Variants in ROBO1 observed in about 807,000 individuals in gnomAD.
The protein encoded by ROBO1 is roundabout homolog 1.
Under a neutral mutation model 195.9 loss-of-function variants are expected in ROBO1, and 149 were observed. The ratio of observed to expected loss-of-function variants is 0.76; its 90% CI spans 0.67 to 0.87. The LOEUF is 0.87. ROBO1 is among the 40% of genes least tolerant of loss of function. The pLI, the probability that ROBO1 is intolerant of heterozygous loss-of-function variation, is 0.00. For missense variants in ROBO1, 1,933 were observed against 2,068.3 expected, an observed-to-expected ratio of 0.93 and a Z score of 1.27; for synonymous variants, 816 against 733.2, an observed-to-expected ratio of 1.11 and a Z score of -1.82.
chr3:79,301,578 G>T (rs2032959738), intron 2 of ROBO1, among the ~76,000 whole-genome samples: 1 of 152,130 alleles, frequency 6.6e-6, no homozygotes, highest in Non-Finnish European at 1.5e-5. Context: ...ATTTGTCATT[G>T]CTATGTTTCA....
chr3:78,777,393 G>T (rs2083536841), intron 4 of ROBO1, among the ~76,000 whole-genome samples: 1 of 151,690 alleles, frequency 6.6e-6, no homozygotes, highest in South Asian at 2.1e-4. Flanking sequence ...ATGGGCTCAT[G>T]AAGATGTACT....
chr3:78,854,201 A>T (rs2034255542), intron 4 of ROBO1, among the ~76,000 whole-genome samples: 1 of 150,912 alleles, frequency 6.6e-6, no homozygotes, highest in African/African-American at 2.4e-5. Context: ...CCACAGTCAC[A>T]CAATTATGTG....
intron 4 of ROBO1, among the ~76,000 whole-genome samples, chr3:78,932,740 G>A (rs573915466): frequency 6.6e-6 from 1 of 151,950 alleles, no homozygotes; most frequent in African/African-American, 2.4e-5. Flanking sequence ...ATAATGTGCA[G>A]GAAAAAAAGA....
At chr3:79,039,069 T>C (rs1253003504) in intron 3 of ROBO1, among the ~76,000 whole-genome samples, 2 of 152,170 alleles carry the variant, frequency 1.3e-5, no homozygotes, top group African/African-American at 2.4e-5. Flanking sequence ...GAACGATGAT[T>C]GAAGACTCAT....
chr3:79,461,385 A>G (rs1197142079), intron 2 of ROBO1, among the ~76,000 whole-genome samples: 1 of 152,092 alleles, frequency 6.6e-6, no homozygotes, highest in African/African-American at 2.4e-5. Flanking sequence ...ACCACATAAA[A>G]TGACTGACAA....
chr3:79,156,015 A>C (rs981080006), intron 2 of ROBO1, among the ~76,000 whole-genome samples: 5 of 151,834 alleles, frequency 3.3e-5, no homozygotes, highest in Middle Eastern at 6.8e-3. Flanking sequence ...GCAAAATCTG[A>C]AAGGTTCTTG....
intron 5 of ROBO1, among the ~76,000 whole-genome samples, chr3:78,726,670 G>A (rs760847910): frequency 6.6e-6 from 1 of 152,110 alleles, no homozygotes; most frequent in Non-Finnish European, 1.5e-5. Flanking sequence ...AGAATAGAGA[G>A]CAAGCTGTTG....
At chr3:79,706,445 A>G (rs72899809) in intron 1 of ROBO1, among the ~76,000 whole-genome samples, 4,200 of 152,172 alleles carry the variant, frequency 0.028, 145 homozygotes, top group African/African-American at 0.083. Context: ...GATAGATTAC[A>G]TTAATTAAAT....
rs545633708 is a variant in ROBO1 at position 79,731,867 on chromosome 3, G to T, written c.-51+35885C>A. 1.6e-4 allele frequency among the ~76,000 whole-genome samples: 24 copies of T among 152,034 alleles called. No homozygotes were observed. In the East Asian group the frequency reaches 3.5e-3, roughly 22 times the overall value. On this transcript the variant is annotated intron_variant, in intron 1 of 30. Transcript: ENST00000464233. ...GGAAGTAAGTTTGTAGGTGAAATAAGTTTTTTTTATCATAGGAAATTTCTA... is the reference window on the plus strand; with the variant it reads ...GGAAGTAAGTTTGTAGGTGAAATAATTTTTTTTTATCATAGGAAATTTCTA...
At chr3:78,850,174 A>G (rs2033962638) in intron 4 of ROBO1, among the ~76,000 whole-genome samples, 1 of 152,166 alleles carries the variant, frequency 6.6e-6, no homozygotes, top group Non-Finnish European at 1.5e-5. Flanking sequence ...TCACTGGATG[A>G]CACCTTTGTC....
At chr3:79,593,643 C>T (rs1023790326) in intron 1 of ROBO1, among the ~76,000 whole-genome samples, 1 of 151,794 alleles carries the variant, frequency 6.6e-6, no homozygotes, top group African/African-American at 2.4e-5. Context: ...TAGTGTCTTG[C>T]TCTGTCACCC....
intron 3 of ROBO1, among the ~76,000 whole-genome samples, chr3:79,025,725 A>G (rs909593145): frequency 1.3e-5 from 2 of 152,198 alleles, no homozygotes; most frequent in African/African-American, 2.4e-5. Flanking sequence ...TTAAATAAGC[A>G]CACCCTTATT....
chr3:79,099,543 G>A (rs1316510352), intron 3 of ROBO1, among the ~76,000 whole-genome samples: 1 of 151,648 alleles, frequency 6.6e-6, no homozygotes, highest in African/African-American at 2.4e-5. Flanking sequence ...GTTTGAAAAT[G>A]TGTGATCAAA....
chr3:79,463,808 A>T (rs986311407), intron 2 of ROBO1, among the ~76,000 whole-genome samples: 1 of 152,210 alleles, frequency 6.6e-6, no homozygotes, highest in Non-Finnish European at 1.5e-5. Flanking sequence ...CTCTCAATTC[A>T]TCTAAAGTAT....
chr3:79,185,122 C>A (rs757637826), intron 2 of ROBO1, among the ~76,000 whole-genome samples: 3 of 152,144 alleles, frequency 2.0e-5, no homozygotes, highest in Non-Finnish European at 4.4e-5. Context: ...AGCACACGTA[C>A]AACAACACTA....
chr3:79,612,166 C>G (rs1271866109), intron 1 of ROBO1, among the ~76,000 whole-genome samples: 1 of 149,542 alleles, frequency 6.7e-6, no homozygotes, highest in Non-Finnish European at 1.5e-5. Context: ...TCTCCCGATG[C>G]TATCCCTCCC....
In ROBO1 at chr3:78,774,807, T is replaced by C. The variant is rs184323920; in HGVS notation, c.500-27907A>G. ...AATGTGACTCTATTTACTATGTAAA[T>C]AAAAACATTCAGAAATGATCTTTTA... is the stretch of plus-strand genomic sequence containing the variant. On this transcript the variant is annotated intron_variant, in intron 4 of 30. Transcript: ENST00000464233. Among the ~76,000 whole-genome samples the C allele has an allele frequency of 3.3e-5, 5 of 152,262 alleles. No homozygotes were observed. In the East Asian group the frequency reaches 9.7e-4, roughly 29 times the overall value.
intron 1 of ROBO1, among the ~76,000 whole-genome samples, chr3:79,613,426 T>C (rs1324106801): frequency 3.9e-5 from 6 of 151,970 alleles, no homozygotes; most frequent in Non-Finnish European, 7.4e-5. Context: ...CAATAGTAGA[T>C]ATAAAACAAA....
At chr3:79,196,734 C>T (rs565773764) in intron 2 of ROBO1, among the ~76,000 whole-genome samples, 1 of 151,898 alleles carries the variant, frequency 6.6e-6, no homozygotes, top group African/African-American at 2.4e-5. Context: ...TTAAATCCAA[C>T]ACTTGCAGAC....
Sources: allele counts gnomAD v4.1 joint callset (sites outside exome capture counted in the v4.1 genomes callset), GRCh38; gene constraint gnomAD v4.1.1; transcripts MANE v1.5; gene names NCBI Gene and HGNC (gene_info 2026-07-23, HGNC 2026-07-21).